Variants in LMBR1 observed in about 807,000 individuals in gnomAD.
The protein encoded by LMBR1 is limb development membrane protein 1, also known as limb region 1 protein homolog.
LMBR1 carries 52 observed loss-of-function variants against 73.9 expected under a neutral mutation model. The observed-to-expected ratio is 0.70, with a 90% CI of 0.56 to 0.89. The LOEUF (loss-of-function observed/expected upper bound fraction) is 0.89, where lower values mean the gene tolerates loss of function less well. Among genes scored for constraint, LMBR1 ranks in the 40% least tolerant of loss-of-function variants. LMBR1 has a pLI of 0.00. For synonymous variants in LMBR1, 215 were observed against 209.4 expected (o/e 1.03, Z -0.23); for missense variants, 539 against 579.8 (o/e 0.93, Z 0.72).
chr7:156,842,231 T>C (rs1019745002), intron 1 of LMBR1, among the ~76,000 whole-genome samples: 1 of 149,460 alleles, frequency 6.7e-6, no homozygotes, highest in African/African-American at 2.4e-5. Flanking sequence ...AGTAATTATT[T>C]AATTATTTAG....
intron 5 of LMBR1, among the ~76,000 whole-genome samples, chr7:156,778,029 G>T (rs1482576401): frequency 6.6e-6 from 1 of 152,038 alleles, no homozygotes; most frequent in Non-Finnish European, 1.5e-5. Context: ...ACCCATCCAA[G>T]ACGATGATTT....
At chr7:156,750,143 A>C (rs1007259289) in intron 9 of LMBR1, among the ~76,000 whole-genome samples, 1 of 152,228 alleles carries the variant, frequency 6.6e-6, no homozygotes, top group African/African-American at 2.4e-5. Context: ...TTTTGAACTT[A>C]AACAACAAAA....
chr7:156,804,304 AT>A (rs1349999550), intron 4 of LMBR1, among the ~76,000 whole-genome samples: 16 of 152,306 alleles, frequency 1.1e-4, no homozygotes, highest in Admixed American at 6.5e-4. Context: ...CCTGCAAACA[AT>A]CTATGTTGTT....
chr7:156,751,837 T>C (rs565822445), intron 9 of LMBR1, among the ~76,000 whole-genome samples: 67 of 152,360 alleles, frequency 4.4e-4, no homozygotes, highest in African/African-American at 1.5e-3. Context: ...GAGTTTACTT[T>C]GGACATATGT....
intron 12 of LMBR1, chr7:156,726,087 C>T (rs539674214): frequency 2.8e-6 from 1 of 361,102 alleles, no homozygotes; most frequent in South Asian, 8.0e-5. Flanking sequence ...AGTTACTTGT[C>T]AAGATGACAT....
chr7:156,778,956 T>C (rs1189158858), intron 5 of LMBR1, among the ~76,000 whole-genome samples: 4 of 152,200 alleles, frequency 2.6e-5, no homozygotes, highest in African/African-American at 9.6e-5. Context: ...CATTCTTGCA[T>C]ATACTGAGCT....
intron 1 of LMBR1, among the ~76,000 whole-genome samples, chr7:156,883,700 C>T (rs1397952998): frequency 1.3e-5 from 2 of 152,112 alleles, no homozygotes; most frequent in Non-Finnish European, 2.9e-5. Flanking sequence ...ATTTCCTTGA[C>T]GTTTCTAGCT....
At position 156,670,599 on chromosome 7, in the gene LMBR1, C is replaced by T. The variant is rs575709634; in HGVS notation, n.867-1312G>A. Among the ~76,000 whole-genome samples the T allele has an allele frequency of 3.9e-5, 6 of 152,264 alleles. No individual in the cohort carries two copies. The highest frequency in any genetic ancestry group is 1.9e-4 in the East Asian group (1 of 5,186). On this transcript the variant is annotated intron_variant and non_coding_transcript_variant, in intron 4 of 4. Coordinates refer to the LMBR1 transcript ENST00000430825. The surrounding 1 kb of genome is among the most constrained non-coding windows in gnomAD (Gnocchi z 4.3). ...TAGTGAGCCTGCAGAACACAAAGCA[C>T]GGAGTCATCTTGGAAGTGGCCAGGA...
intron 9 of LMBR1, among the ~76,000 whole-genome samples, chr7:156,752,532 C>T (rs1821097692): frequency 6.6e-6 from 1 of 152,232 alleles, no homozygotes; most frequent in Non-Finnish European, 1.5e-5. Context: ...GCCAGGCACA[C>T]AGACAATTCA....
chr7:156,792,638 G>C (rs1200070989), intron 5 of LMBR1, among the ~76,000 whole-genome samples: 1 of 152,184 alleles, frequency 6.6e-6, no homozygotes, highest in Non-Finnish European at 1.5e-5. Context: ...CCCTTAAAAG[G>C]ACATAGTCAA....
chr7:156,685,401 T>C lies in LMBR1; in HGVS notation c.1388-1238A>G, dbSNP rs1399235115. Among the ~76,000 whole-genome samples, 1 of 152,222 alleles carries C rather than the reference T, an allele frequency of 6.6e-6. No homozygotes were observed. The highest frequency in any genetic ancestry group is 1.5e-5 in the Non-Finnish European group (1 of 68,046). On this transcript the variant is annotated intron_variant, in intron 16 of 16. Transcript: ENST00000353442. This position sits in a 1 kb window ranked among gnomAD's most constrained non-coding sequence, Gnocchi z 4.1. ...TTCTGAGAAATGCGCTGTCGAGCGA[T>C]TCTGTCGCTGTGATGCCATCATAGA...
intron 15 of LMBR1, among the ~76,000 whole-genome samples, chr7:156,691,583 A>C (rs1014631249): frequency 1.3e-5 from 2 of 152,144 alleles, no homozygotes; most frequent in African/African-American, 4.8e-5. Context: ...AAGCAGCAAA[A>C]AGTAGTTAAG....
chr7:156,730,284 C>T (rs547947134), intron 10 of LMBR1, among the ~76,000 whole-genome samples: 1 of 152,340 alleles, frequency 6.6e-6, no homozygotes, highest in African/African-American at 2.4e-5. Flanking sequence ...AAAGATGCAA[C>T]TATGAGGCTG....
intron 1 of LMBR1, chr7:156,892,321 G>T (rs576190216): frequency 6.6e-6 from 1 of 152,424 alleles, no homozygotes; most frequent in African/African-American, 2.4e-5. Flanking sequence ...GAAACGTGAG[G>T]CGCCAGGAGG....
chr7:156,762,121 A>G lies in LMBR1; in HGVS notation c.684+13T>C. 6.6e-7 allele frequency: 1 copy of G among 1,517,272 alleles called. No homozygotes were observed. Among genetic ancestry groups the G allele is most frequent in the Non-Finnish European group, 9.1e-7 (1 of 1,093,334 alleles). 94.0% of individuals were successfully genotyped at this position (1,517,272 alleles called of 1,614,324 possible). A position where few individuals can be genotyped will look rare whatever the true frequency, so the allele number is the denominator to read the frequency against. On this transcript the variant is annotated intron_variant, in intron 8 of 16. Transcript: ENST00000353442. ...TATTTAATAAACAAAATGATTTATA[A>G]TTAAATACTTACTGTTGGCTTCACT...
chr7:156,868,226 C>T (rs1798753875), intron 1 of LMBR1, among the ~76,000 whole-genome samples: 1 of 148,096 alleles, frequency 6.8e-6, no homozygotes, highest in African/African-American at 2.5e-5. Context: ...CGACGTCTCA[C>T]TCTGTCGCCC....
At chr7:156,713,226 G>A (rs967336134) in intron 15 of LMBR1, among the ~76,000 whole-genome samples, 17 of 152,186 alleles carry the variant, frequency 1.1e-4, no homozygotes, top group East Asian at 3.9e-4. Flanking sequence ...AGTGGCTGCC[G>A]GGGGTGAGAG....
intron 5 of LMBR1, among the ~76,000 whole-genome samples, chr7:156,768,289 G>A (rs1477907541): frequency 6.6e-6 from 1 of 151,986 alleles, no homozygotes; most frequent in Non-Finnish European, 1.5e-5. Context: ...CCTGGGAGGC[G>A]GAGGTTGCGT....
At chr7:156,711,692 A>C (rs1268710013) in intron 15 of LMBR1, among the ~76,000 whole-genome samples, 1 of 152,166 alleles carries the variant, frequency 6.6e-6, no homozygotes, top group African/African-American at 2.4e-5. Context: ...CCAAAAATAA[A>C]GCCACGTATT....
Sources: allele counts gnomAD v4.1 joint callset (sites outside exome capture counted in the v4.1 genomes callset), GRCh38; gene constraint gnomAD v4.1.1; non-coding constraint Gnocchi (gnomAD v3.1); transcripts MANE v1.5; gene names NCBI Gene and HGNC (gene_info 2026-07-23, HGNC 2026-07-21).